Variants in ROBO1 observed in about 807,000 individuals in gnomAD.
ROBO1 encodes the protein roundabout guidance receptor 1, also known as roundabout homolog 1.
A neutral mutation model predicts 195.9 loss-of-function variants in ROBO1; 149 were observed. The ratio of observed to expected loss-of-function variants is 0.76; its 90% CI spans 0.67 to 0.87. ROBO1 has a LOEUF of 0.87. Ranked by LOEUF, ROBO1 falls within the 40% of genes least tolerant of loss-of-function variation. The pLI is 0.00. For synonymous variants in ROBO1, 816 were observed against 733.2 expected (o/e 1.11, Z -1.82); for missense variants, 1,933 against 2,068.3 (o/e 0.93, Z 1.27).
chr3:79,496,335 A>T (rs1939734731), intron 2 of ROBO1, among the ~76,000 whole-genome samples: 1 of 150,432 alleles, frequency 6.6e-6, no homozygotes, highest in African/African-American at 2.4e-5. Flanking sequence ...TTGACAATAA[A>T]AAAAAACAAA....
At chr3:78,682,980 A>C (rs2080963047) in intron 10 of ROBO1, among the ~76,000 whole-genome samples, 1 of 151,888 alleles carries the variant, frequency 6.6e-6, no homozygotes. Flanking sequence ...TATACATTTT[A>C]TTTCTTTTAC....
At chr3:79,292,903 G>C (rs866930525) in intron 2 of ROBO1, among the ~76,000 whole-genome samples, 2 of 152,148 alleles carry the variant, frequency 1.3e-5, no homozygotes, top group African/African-American at 4.8e-5. Context: ...AATAAGTTAG[G>C]GGGGAGTCCC....
chr3:79,662,757 T>C (rs1029466436), intron 1 of ROBO1, among the ~76,000 whole-genome samples: 1 of 152,038 alleles, frequency 6.6e-6, no homozygotes, highest in Non-Finnish European at 1.5e-5. Context: ...CATGGAACAA[T>C]GGCAGCGAAT....
rs575948984 is a variant in ROBO1, at chr3:79,637,316, C to T, written c.-50-47355G>A. Among the ~76,000 whole-genome samples the T allele has an allele frequency of 2.0e-3, 304 of 150,058 alleles. 2 individuals are homozygous for T. The highest frequency in any genetic ancestry group is 0.017 in the South Asian group (83 of 4,788). ...AGTAACTGATTTCAATAGATTGAAA[C>T]ATTTATATGACAAACTTTTGTGTTT... On this transcript the variant is annotated intron_variant, in intron 1 of 30. Coordinates refer to ENST00000464233, the MANE Select transcript of ROBO1 (RefSeq NM_002941.4).
intron 2 of ROBO1, among the ~76,000 whole-genome samples, chr3:79,328,476 GGT>G (rs2109159172): frequency 6.6e-6 from 1 of 152,008 alleles, no homozygotes; most frequent in East Asian, 1.9e-4. Flanking sequence ...ACACTGGCAG[GGT>G]GTTTGATTTG....
chr3:79,604,146 A>AT (rs1026489171), intron 1 of ROBO1, among the ~76,000 whole-genome samples: 6 of 151,884 alleles, frequency 4.0e-5, no homozygotes, highest in African/African-American at 1.4e-4. Flanking sequence ...CATGAGTCCC[A>AT]TTTTTTTGTC....
At chr3:79,637,262 A>G (rs186760559) in intron 1 of ROBO1, among the ~76,000 whole-genome samples, 1 of 152,274 alleles carries the variant, frequency 6.6e-6, no homozygotes, top group East Asian at 1.9e-4. Flanking sequence ...ATGTATTATA[A>G]AAGATCACAG....
intron 1 of ROBO1, among the ~76,000 whole-genome samples, chr3:79,653,663 G>A (rs572295191): frequency 7.9e-5 from 12 of 152,044 alleles, no homozygotes; most frequent in Non-Finnish European, 1.8e-4. Context: ...TCGGTAGATC[G>A]TCTTTTGTGT....
At chr3:79,557,758 A>AGATATTTTTTTT (rs1942762219) in intron 2 of ROBO1, among the ~76,000 whole-genome samples, 1 of 145,928 alleles carries the variant, frequency 6.9e-6, no homozygotes. Flanking sequence ...ATATATATAT[A>AGATATTTTTTTT]TATATATTTT....
chr3:78,895,600 T>C (rs2037178787), intron 4 of ROBO1, among the ~76,000 whole-genome samples: 1 of 152,192 alleles, frequency 6.6e-6, no homozygotes, highest in East Asian at 1.9e-4. Flanking sequence ...AACATAAACA[T>C]AGTAGTTTCT....
chr3:79,416,336 T>A (rs1237760066), intron 2 of ROBO1, among the ~76,000 whole-genome samples: 1 of 151,728 alleles, frequency 6.6e-6, no homozygotes, highest in Non-Finnish European at 1.5e-5. Flanking sequence ...CAGGGTGCTA[T>A]GTCGCATGCC....
chr3:79,081,947 A>G (rs2079282636), intron 3 of ROBO1, among the ~76,000 whole-genome samples: 1 of 152,206 alleles, frequency 6.6e-6, no homozygotes, highest in African/African-American at 2.4e-5. Context: ...CTTTTAGCCA[A>G]GACTATTTTT....
At chr3:79,493,777 T>C (rs937164031) in intron 2 of ROBO1, among the ~76,000 whole-genome samples, 1 of 152,146 alleles carries the variant, frequency 6.6e-6, no homozygotes, top group Non-Finnish European at 1.5e-5. Context: ...AGGTATACAA[T>C]GTGTAATAAT....
At chr3:79,301,390 A>C (rs2032948622) in intron 2 of ROBO1, among the ~76,000 whole-genome samples, 1 of 152,222 alleles carries the variant, frequency 6.6e-6, no homozygotes, top group African/African-American at 2.4e-5. Flanking sequence ...TCAATTTATA[A>C]ACTGTGTGTT....
intron 2 of ROBO1, among the ~76,000 whole-genome samples, chr3:79,169,358 G>C (rs1202940112): frequency 1.3e-5 from 2 of 151,908 alleles, no homozygotes; most frequent in African/African-American, 4.8e-5. Flanking sequence ...TTGCCGCACA[G>C]GCATATCATA....
intron 1 of ROBO1, among the ~76,000 whole-genome samples, chr3:79,735,384 T>C (rs7644521): frequency 0.25 from 38,117 of 152,062 alleles, 5,543 homozygotes; most frequent in African/African-American, 0.4. Context: ...TTGAAATAGA[T>C]GGCTGGGAGG....
At chr3:79,459,903 C>T (rs1214323244) in intron 2 of ROBO1, among the ~76,000 whole-genome samples, 2 of 151,914 alleles carry the variant, frequency 1.3e-5, no homozygotes, top group Non-Finnish European at 2.9e-5. Context: ...ATGGTGGTTA[C>T]AAATGGTGAA....
chr3:79,691,276 C>T (rs1947290122), intron 1 of ROBO1, among the ~76,000 whole-genome samples: 1 of 151,714 alleles, frequency 6.6e-6, no homozygotes, highest in African/African-American at 2.4e-5. Context: ...CTGCCCCTTC[C>T]CAAAATCACT....
chr3:78,643,218 T>C (rs1166609093), intron 21 of ROBO1, among the ~76,000 whole-genome samples: 1 of 152,154 alleles, frequency 6.6e-6, no homozygotes, highest in Admixed American at 6.6e-5. Context: ...TGATAACTAC[T>C]CAACTCTGCC....
Sources: gnomAD v4.1 joint callset for allele counts (sites outside exome capture counted in the v4.1 genomes callset) on GRCh38, gnomAD v4.1.1 for gene constraint, MANE v1.5 for transcripts, NCBI Gene and HGNC (gene_info 2026-07-23, HGNC 2026-07-21) for gene names.